XKR5: variants seen among roughly 807,000 people sequenced by gnomAD.
The protein encoded by XKR5 is XK related 5.
XKR5 carries 46 observed loss-of-function variants against 40.8 expected under a neutral mutation model. The observed-to-expected ratio is 1.13, with a 90% CI of 0.89 to 1.44. The LOEUF is 1.44. Among genes scored for constraint, XKR5 ranks in the 40% most tolerant of loss-of-function variants. XKR5 has a pLI of 0.00. For synonymous variants in XKR5, 466 were observed against 356.1 expected, an observed-to-expected ratio of 1.31 and a Z score of -3.48; for missense variants, 1,169 against 844.7, an observed-to-expected ratio of 1.38 and a Z score of -4.76.
intron 2 of XKR5, among the ~76,000 whole-genome samples, chr8:6,831,991 G>C (rs911510651): frequency 7.1e-6 from 1 of 140,044 alleles, no homozygotes; most frequent in Non-Finnish European, 1.5e-5. Context: ...CTCCAGCCTG[G>C]GTGACAGAGT....
At position 6,811,568 on chromosome 8, in the gene XKR5, T is replaced by C. The variant is rs1257057435; in HGVS notation, c.1691A>G (p.Gln564Arg). The C allele has an allele frequency of 6.5e-7, 1 of 1,536,884 alleles. No homozygotes were observed. Among genetic ancestry groups the C allele is most frequent in the Non-Finnish European group, 8.7e-7 (1 of 1,146,732 alleles). Residue 564 changes from glutamine to arginine, a missense_variant, in exon 7 of 7, where the codon CAA (glutamine) becomes CGA (arginine). By Grantham distance (43) the Gln-to-Arg change is conservative. Transcript: ENST00000618742. ...CAGCCTCCTTCCAGAGTGGGCCGTT[T>C]GCAGAGTAGCTGGGCTGCCTTCTTG... ...SQQEGSPATL[Q>R]TAHSGRRLGK...
At chr8:6,825,396 G>C (rs1290387389) in intron 2 of XKR5, 47 bp from the exon 3 acceptor site, 2 of 1,461,130 alleles carry the variant, frequency 1.4e-6, no homozygotes, top group Admixed American at 2.9e-5. Context: ...GCTGTGGCGA[G>C]ATTCAATAGG....
chr8:6,826,548 G>C (rs1376053957), intron 2 of XKR5, among the ~76,000 whole-genome samples: 2 of 152,148 alleles, frequency 1.3e-5, no homozygotes, highest in Non-Finnish European at 2.9e-5. Context: ...GAGGTTTCAG[G>C]CCTAAATGAC....
rs541843635 is a variant in XKR5 at position 6,832,591 on chromosome 8, C to T, written c.242+126G>A. Reference sequence around the variant, plus strand: ...TATCAGAGCAGGGGTTTGCTGTGGCCGCTTTGAACCTCTTCCCAATGCTGA... The same window carrying T: ...TATCAGAGCAGGGGTTTGCTGTGGCTGCTTTGAACCTCTTCCCAATGCTGA... On this transcript the variant is annotated intron_variant, in intron 2 of 6. Transcript: ENST00000618742. The T allele has an allele frequency of 4.2e-5, 52 of 1,247,866 alleles. No individual in the cohort carries two copies. The African/African-American group carries it at 4.2e-4, about 10-fold the overall frequency. The allele number at this position is 1,247,866 out of a possible 1,614,324, so 77.3% of individuals were successfully genotyped here. A position where few individuals can be genotyped will look rare whatever the true frequency, so the allele number is the denominator to read the frequency against.
At chr8:6,820,059 G>T (rs1166248035) in intron 5 of XKR5, among the ~76,000 whole-genome samples, 1 of 152,248 alleles carries the variant, frequency 6.6e-6, no homozygotes, top group Non-Finnish European at 1.5e-5. Flanking sequence ...TTTCAGAGAT[G>T]CAAAAACTGG....
chr8:6,824,206 A>G (rs958567912), intron 3 of XKR5, among the ~76,000 whole-genome samples: 3 of 152,162 alleles, frequency 2.0e-5, no homozygotes, highest in African/African-American at 4.8e-5. Context: ...AGATGGATGG[A>G]AGGACAGTGC....
intron 2 of XKR5, chr8:6,829,282 C>G (rs1402259128): frequency 5.9e-6 from 1 of 169,184 alleles, no homozygotes; most frequent in African/African-American, 2.4e-5. Context: ...TCATCTCATG[C>G]TGCATTTACA....
chr8:6,818,871 G>T (rs1804089005), intron 5 of XKR5, among the ~76,000 whole-genome samples: 2 of 152,122 alleles, frequency 1.3e-5, no homozygotes, highest in South Asian at 2.1e-4. Flanking sequence ...TTGGTTAAAG[G>T]CCCTACGAAA....
intron 2 of XKR5, among the ~76,000 whole-genome samples, chr8:6,828,160 C>A (rs554001791): frequency 6.6e-6 from 1 of 152,154 alleles, no homozygotes; most frequent in Non-Finnish European, 1.5e-5. Flanking sequence ...ATGCGAAAAG[C>A]TTCAAGAGGA....
rs754306449 is a variant in XKR5 at position 6,825,223 on chromosome 8, G to T, written c.369C>A (p.Pro123=). 1 of 1,612,944 alleles carries T rather than the reference G, an allele frequency of 6.2e-7. No individual in the cohort carries two copies. Among genetic ancestry groups the T allele is most frequent in the Admixed American group, 1.7e-5 (1 of 59,828 alleles). ...RLLEALLQTG[P]HLLLQTYVFL... ...AAACATATGTCTGAAGCAGCAGGTG[G>T]GGCCCAGTCTGCAGCAGGGCCTCCA... Residue 123 remains proline, a synonymous_variant, in exon 3 of 7, where the codon CCC becomes CCA. Coordinates refer to ENST00000618742, the MANE Select transcript of XKR5 (RefSeq NM_207411.5).
chr8:6,833,586 G>A (rs1261069495), intron 1 of XKR5, among the ~76,000 whole-genome samples: 2 of 152,172 alleles, frequency 1.3e-5, no homozygotes, highest in African/African-American at 2.4e-5. Context: ...TGCTGGCTGC[G>A]TGCCTGTAAT....
At chr8:6,825,051 C>T (rs1417064192) in intron 3 of XKR5, 114 bp downstream of exon 3, 12 of 1,265,388 alleles carry the variant, frequency 9.5e-6, no homozygotes, top group Non-Finnish European at 1.3e-5. Context: ...CTCAAGGTGC[C>T]CTAATGCTCC....
intron 2 of XKR5, among the ~76,000 whole-genome samples, chr8:6,826,380 A>T (rs1257983810): frequency 1.3e-5 from 2 of 151,944 alleles, no homozygotes; most frequent in East Asian, 3.9e-4. Context: ...AGGGGATAGG[A>T]ACATCAGGAG....
intron 2 of XKR5, among the ~76,000 whole-genome samples, chr8:6,830,546 C>T (rs1343889790): frequency 6.6e-6 from 1 of 152,212 alleles, no homozygotes; most frequent in African/African-American, 2.4e-5. Context: ...AATTGTGACC[C>T]GCTTCCGATA....
intron 1 of XKR5, among the ~76,000 whole-genome samples, chr8:6,834,783 G>A (rs1014839942): frequency 1.4e-5 from 2 of 147,002 alleles, no homozygotes; most frequent in South Asian, 4.1e-4. Context: ...AAACCAGAAG[G>A]GCGCGAAAAA....
chr8:6,831,666 T>A (rs930154828), intron 2 of XKR5, among the ~76,000 whole-genome samples: 1 of 152,092 alleles, frequency 6.6e-6, no homozygotes, highest in African/African-American at 2.4e-5. Context: ...TATGATTTAA[T>A]GAACACTTGA....
intron 6 of XKR5, 43 bp from the exon 7 acceptor site, chr8:6,812,382 T>C: frequency 1.3e-6 from 2 of 1,486,802 alleles, no homozygotes; most frequent in Non-Finnish European, 1.8e-6. Flanking sequence ...TTCTTTGAAG[T>C]CTGCATCCTC....
chr8:6,811,629 A>G lies in XKR5; in HGVS notation c.1630T>C (p.Phe544Leu), dbSNP rs1489001732. 2 of 1,537,468 alleles carry G rather than the reference A, an allele frequency of 1.3e-6. No individual in the cohort carries two copies. Among genetic ancestry groups the G allele is most frequent in the Admixed American group, 2.0e-5 (1 of 50,998 alleles). The change falls in exon 7 of 7, where the codon TTC becomes CTC. Residue 544 changes from phenylalanine to leucine, a missense_variant. Transcript: ENST00000618742. ...GTGGCCACTTCTGCAGTGGCGCTGAAGTACAACGTGGAACTCTGCTGTCCT... is the reference window on the plus strand; with the variant it reads ...GTGGCCACTTCTGCAGTGGCGCTGAGGTACAACGTGGAACTCTGCTGTCCT... Reference protein sequence around the residue: ...GEGQQSSTLYFSATAEVATSS... With the variant: ...GEGQQSSTLYLSATAEVATSS...
chr8:6,812,632 G>A (rs1370163677), intron 6 of XKR5, among the ~76,000 whole-genome samples: 1 of 152,234 alleles, frequency 6.6e-6, no homozygotes, highest in African/African-American at 2.4e-5. Context: ...GTGTGTGTGT[G>A]TGAGTGTGCA....
Sources: allele counts gnomAD v4.1 joint callset (sites outside exome capture counted in the v4.1 genomes callset), GRCh38; gene constraint gnomAD v4.1.1; transcripts MANE v1.5; gene names NCBI Gene and HGNC (gene_info 2026-07-23, HGNC 2026-07-21).